PLGRKT: variants seen among roughly 807,000 people sequenced by gnomAD.
PLGRKT encodes the protein plasminogen receptor (KT).
Under a neutral mutation model 18.5 loss-of-function variants are expected in PLGRKT, and 22 were observed. That is an observed-to-expected ratio of 1.19 (90% confidence interval 0.85 to 1.70). The LOEUF (loss-of-function observed/expected upper bound fraction) is 1.70. Ranked by LOEUF, PLGRKT falls within the 40% of genes most tolerant of loss-of-function variation. The pLI is 0.00. For missense variants in PLGRKT, 235 were observed against 174.4 expected, an observed-to-expected ratio of 1.35 and a Z score of -1.96; for synonymous variants, 72 against 52.8, an observed-to-expected ratio of 1.36 and a Z score of -1.58.
intron 4 of PLGRKT, 74 bp downstream of exon 4, chr9:5,361,684 C>T: frequency 6.9e-7 from 1 of 1,438,948 alleles, no homozygotes; most frequent in Non-Finnish European, 9.5e-7. Flanking sequence ...TTCTGGCCAA[C>T]TTCATAATAA....
intron 3 of PLGRKT, among the ~76,000 whole-genome samples, chr9:5,377,757 A>G (rs1388016388): frequency 1.3e-5 from 2 of 152,180 alleles, no homozygotes; most frequent in Non-Finnish European, 2.9e-5. Context: ...CTCCATTCCA[A>G]TACACACAGA....
rs1375370443 is a variant in PLGRKT, at chr9:5,418,193, G to C, written c.81+13704C>G. On this transcript the variant is annotated intron_variant, in intron 3 of 5. Transcript: ENST00000223864. This position sits in a 1 kb window ranked among gnomAD's most constrained non-coding sequence, Gnocchi z 4.2. ...AGAGCAAGTTGCCTGGTATCTTGTT[G>C]AGACCTCACCTTCTGCCCTTCATGT... is the stretch of plus-strand genomic sequence containing the variant. Among the ~76,000 whole-genome samples, 1 of 152,140 alleles carries C rather than the reference G, an allele frequency of 6.6e-6. No individual in the cohort carries two copies. The highest frequency in any genetic ancestry group is 6.5e-5 in the Admixed American group (1 of 15,274).
At chr9:5,382,628 T>C (rs1312110441) in intron 3 of PLGRKT, among the ~76,000 whole-genome samples, 1 of 152,314 alleles carries the variant, frequency 6.6e-6, no homozygotes, top group East Asian at 1.9e-4. Flanking sequence ...ATGCTAAAGA[T>C]GTTAGACTTC....
chr9:5,409,198 G>A (rs2131140214), intron 3 of PLGRKT, among the ~76,000 whole-genome samples: 1 of 152,334 alleles, frequency 6.6e-6, no homozygotes, highest in African/African-American at 2.4e-5. Context: ...ATTGAAGGAT[G>A]CAAAGTATTA....
chr9:5,425,985 C>G (rs1563790551), intron 3 of PLGRKT, among the ~76,000 whole-genome samples: 3 of 152,194 alleles, frequency 2.0e-5, no homozygotes, highest in Admixed American at 6.5e-5. Context: ...AGCCAAAAGA[C>G]TAAATCACAG....
intron 3 of PLGRKT, among the ~76,000 whole-genome samples, chr9:5,414,077 T>C (rs1470264657): frequency 2.0e-5 from 3 of 152,184 alleles, no homozygotes; most frequent in Admixed American, 6.5e-5. Flanking sequence ...TAAACACCTA[T>C]AGAGGAAGGG....
intron 3 of PLGRKT, among the ~76,000 whole-genome samples, chr9:5,408,646 G>C (rs1471541851): frequency 6.6e-6 from 1 of 152,212 alleles, no homozygotes; most frequent in Non-Finnish European, 1.5e-5. Context: ...AATTCAAGCA[G>C]GCTGCATCAA....
At chr9:5,391,642 T>C (rs1284623781) in intron 3 of PLGRKT, among the ~76,000 whole-genome samples, 1 of 151,914 alleles carries the variant, frequency 6.6e-6, no homozygotes, top group African/African-American at 2.4e-5. Context: ...AGGCAGAGTT[T>C]GTGGCATTGA....
intron 3 of PLGRKT, among the ~76,000 whole-genome samples, chr9:5,399,320 T>C (rs905275079): frequency 2.6e-5 from 4 of 151,952 alleles, no homozygotes; most frequent in Admixed American, 6.5e-5. Flanking sequence ...TTCCCTCTCC[T>C]ACAGTAGTTT....
Position 5,418,285 on chromosome 9 carries a change from C to T in PLGRKT, c.81+13612G>A. On this transcript the variant is annotated intron_variant, in intron 3 of 5. Transcript: ENST00000223864. The surrounding 1 kb of genome is among the most constrained non-coding windows in gnomAD (Gnocchi z 4.2). ...TCAGCACCAAATGGTCAGTGTCGCCCCCTCATCTTCTCACTGGGATCTCAT... is the reference window on the plus strand; with the variant it reads ...TCAGCACCAAATGGTCAGTGTCGCCTCCTCATCTTCTCACTGGGATCTCAT... 1 of 493,638 alleles carries T rather than the reference C, an allele frequency of 2.0e-6. No homozygotes were observed. Among genetic ancestry groups the T allele is most frequent in the Non-Finnish European group, 3.9e-6 (1 of 258,090 alleles). 30.6% of individuals were successfully genotyped at this position (493,638 alleles called of 1,614,324 possible).
intron 3 of PLGRKT, among the ~76,000 whole-genome samples, chr9:5,375,594 G>A (rs985704193): frequency 2.0e-5 from 3 of 152,060 alleles, no homozygotes; most frequent in African/African-American, 7.2e-5. Flanking sequence ...AGGAAAATAT[G>A]GACATACTTC....
intron 3 of PLGRKT, among the ~76,000 whole-genome samples, chr9:5,377,009 T>C (rs1486526877): frequency 6.6e-6 from 1 of 152,166 alleles, no homozygotes; most frequent in Non-Finnish European, 1.5e-5. Flanking sequence ...TAAAATCCCT[T>C]AAGCCTTCAT....
intron 3 of PLGRKT, among the ~76,000 whole-genome samples, chr9:5,389,987 G>A (rs1817917078): frequency 1.3e-5 from 2 of 151,720 alleles, no homozygotes; most frequent in Admixed American, 1.3e-4. Context: ...ACCCAGGAAG[G>A]TTGGTACATC....
intron 3 of PLGRKT, among the ~76,000 whole-genome samples, chr9:5,371,195 G>C (rs887893279): frequency 1.3e-5 from 2 of 152,110 alleles, no homozygotes. Flanking sequence ...CGTATTAAGA[G>C]GTAGATTCCA....
chr9:5,392,797 T>A (rs890222343), intron 3 of PLGRKT: 2 of 151,906 alleles, frequency 1.3e-5, no homozygotes, highest in African/African-American at 4.9e-5. Context: ...CCCCTTTATT[T>A]AAATTTCCGG....
Position 5,418,637 on chromosome 9 carries a change from C to A in PLGRKT, c.81+13260G>T. 2 of 697,576 alleles carry A rather than the reference C, an allele frequency of 2.9e-6. No individual in the cohort carries two copies. The highest frequency in any genetic ancestry group is 2.7e-6 in the Non-Finnish European group (1 of 373,060). 43.2% of individuals were successfully genotyped at this position (697,576 alleles called of 1,614,324 possible). On this transcript the variant is annotated intron_variant, in intron 3 of 5. Coordinates refer to ENST00000223864, the MANE Select transcript of PLGRKT (RefSeq NM_018465.4). The surrounding 1 kb of genome is among the most constrained non-coding windows in gnomAD (Gnocchi z 4.2). The stretch of plus-strand genomic sequence containing the variant: ...GGCAGCAGGTGGCGGCTCATATCTC[C>A]GGGCAGCAGCGCGTGCTCCTTGGAG...
intron 3 of PLGRKT, among the ~76,000 whole-genome samples, chr9:5,413,274 T>C (rs922289611): frequency 2.0e-5 from 3 of 152,206 alleles, no homozygotes; most frequent in African/African-American, 7.2e-5. Flanking sequence ...TGAAGCACTG[T>C]TTGTAATAGC....
intron 3 of PLGRKT, among the ~76,000 whole-genome samples, chr9:5,388,436 T>TA (rs1273463197): frequency 6.6e-6 from 1 of 152,002 alleles, no homozygotes; most frequent in African/African-American, 2.4e-5. Context: ...ATAAATATCA[T>TA]AGGATATATG....
intron 5 of PLGRKT, 134 bp from the exon 6 acceptor site, chr9:5,358,494 T>C: frequency 4.7e-6 from 3 of 639,266 alleles, no homozygotes; most frequent in Non-Finnish European, 5.2e-6. Flanking sequence ...TTAAACATTT[T>C]CCTCAGGAGA....
Sources: allele counts gnomAD v4.1 joint callset (sites outside exome capture counted in the v4.1 genomes callset), GRCh38; gene constraint gnomAD v4.1.1; non-coding constraint Gnocchi (gnomAD v3.1); transcripts MANE v1.5; gene names NCBI Gene and HGNC (gene_info 2026-07-23, HGNC 2026-07-21).